TRPC6: variants seen among roughly 807,000 people sequenced by gnomAD.
TRPC6 encodes short transient receptor potential channel 6.
Under a neutral mutation model 90.7 loss-of-function variants are expected in TRPC6, and 55 were observed. The observed-to-expected ratio is 0.61, with a 90% CI of 0.49 to 0.76. TRPC6 has a LOEUF of 0.76. Ranked by LOEUF, TRPC6 falls within the 30% of genes least tolerant of loss-of-function variation. The probability of loss-of-function intolerance (pLI) is 0.00; values close to 1 mark genes in which losing one functional copy is unlikely to be tolerated. For synonymous variants in TRPC6, 393 were observed against 393.0 expected (o/e 1.00, Z 0.00); for missense variants, 989 against 1,122.7 (o/e 0.88, Z 1.70).
intron 5 of TRPC6, 100 bp downstream of exon 5, chr11:101,482,849 G>T: frequency 8.2e-7 from 1 of 1,221,520 alleles, no homozygotes; most frequent in Non-Finnish European, 1.2e-6. Context: ...ACTGTATCAT[G>T]CTGCATACAT....
chr11:101,494,237 A>T (rs956776899), intron 2 of TRPC6, among the ~76,000 whole-genome samples: 1 of 152,176 alleles, frequency 6.6e-6, no homozygotes, highest in Non-Finnish European at 1.5e-5. Context: ...ATATACCTGT[A>T]ATCAATCCCA....
At chr11:101,539,330 G>A (rs920857497) in intron 1 of TRPC6, among the ~76,000 whole-genome samples, 4 of 152,150 alleles carry the variant, frequency 2.6e-5, no homozygotes, top group African/African-American at 9.7e-5. Context: ...CTATTAGAGT[G>A]AGGAAAACCC....
At chr11:101,477,463 G>A (rs1859443126) in intron 5 of TRPC6, among the ~76,000 whole-genome samples, 1 of 152,056 alleles carries the variant, frequency 6.6e-6, no homozygotes, top group Non-Finnish European at 1.5e-5. Flanking sequence ...TGTGGTTTAT[G>A]TTTAAAACCA....
At position 101,489,049 on chromosome 11, in the gene TRPC6, T is replaced by A. The variant is rs1431100131; in HGVS notation, c.1181A>T (p.Asn394Ile). 1.2e-6 allele frequency: 2 copies of A among 1,614,204 alleles called. No homozygotes were observed. The highest frequency in any genetic ancestry group is 1.7e-6 in the Non-Finnish European group (2 of 1,180,022). ...TGTCTGCTGTCGTAAACCAGAAAGA[T>A]TCTCATACCAAATGGAGAGAAGTTG... ...QQQLLSIWYE[N>I]LSGLRQQTMA... is the part of the protein sequence containing the mutation. The change falls in exon 4 of 13, where the codon AAT becomes ATT. Residue 394 changes from asparagine (N) to isoleucine (I), a missense_variant. Physicochemically the swap from Asn to Ile is moderately radical, Grantham distance 149. This residue lies in a region of TRPC6 where 486 missense variants were observed against 591.9 expected (regional missense o/e 0.82). Transcript: ENST00000344327.
At chr11:101,526,158 A>ATC (rs551385343) in intron 1 of TRPC6, among the ~76,000 whole-genome samples, 7 of 151,704 alleles carry the variant, frequency 4.6e-5, no homozygotes, top group East Asian at 1.9e-4. Flanking sequence ...ATAAATATGA[A>ATC]TCTCTCTCTC....
chr11:101,552,035 A>T (rs957167755), intron 1 of TRPC6, among the ~76,000 whole-genome samples: 1 of 152,192 alleles, frequency 6.6e-6, no homozygotes, highest in African/African-American at 2.4e-5. Context: ...ACTTTGGCCC[A>T]GGAGGTTTGT....
chr11:101,453,499 T>G (rs892437419), intron 12 of TRPC6, 151 bp downstream of exon 12: 2 of 788,644 alleles, frequency 2.5e-6, no homozygotes, highest in East Asian at 5.2e-5. Flanking sequence ...CCCCACTCTT[T>G]AACAGAACGG....
intron 1 of TRPC6, among the ~76,000 whole-genome samples, chr11:101,506,130 A>G (rs1430363303): frequency 6.6e-6 from 1 of 152,058 alleles, no homozygotes; most frequent in Non-Finnish European, 1.5e-5. Context: ...TTTGAGCTTC[A>G]AGGGATCTCA....
At chr11:101,489,595 T>C (rs1306996540) in intron 3 of TRPC6, among the ~76,000 whole-genome samples, 3 of 151,926 alleles carry the variant, frequency 2.0e-5, no homozygotes, top group Non-Finnish European at 4.4e-5. Flanking sequence ...TTTATTCTTG[T>C]GCCAAAAACT....
At chr11:101,524,103 T>C (rs761821456) in intron 1 of TRPC6, among the ~76,000 whole-genome samples, 2 of 152,204 alleles carry the variant, frequency 1.3e-5, no homozygotes, top group Admixed American at 6.5e-5. Flanking sequence ...ATTCCTCCAA[T>C]GTAAAAGTAG....
intron 10 of TRPC6, chr11:101,455,448 TC>T (rs1239192986): frequency 1.3e-5 from 3 of 236,340 alleles, no homozygotes; most frequent in Admixed American, 1.1e-4. Flanking sequence ...ATCTCAGAAG[TC>T]CATTGATGGG....
chr11:101,453,504 G>T, intron 12 of TRPC6, 146 bp downstream of exon 12: 1 of 801,948 alleles, frequency 1.2e-6, no homozygotes, highest in South Asian at 1.4e-5. Flanking sequence ...CTCTTTAACA[G>T]AACGGCGGTT....
intron 1 of TRPC6, among the ~76,000 whole-genome samples, chr11:101,527,487 A>T (rs1041490330): frequency 6.6e-6 from 1 of 152,178 alleles, no homozygotes; most frequent in East Asian, 1.9e-4. Flanking sequence ...TACATTTTTG[A>T]TGACACAGTT....
chr11:101,471,495 G>C (rs1197026015), intron 8 of TRPC6, 109 bp from the exon 9 acceptor site: 1 of 1,122,486 alleles, frequency 8.9e-7, no homozygotes, highest in Non-Finnish European at 1.3e-6. Context: ...AACACTCTCA[G>C]ACCCCAGTGA....
intron 1 of TRPC6, among the ~76,000 whole-genome samples, chr11:101,540,792 T>A (rs1293929689): frequency 6.6e-6 from 1 of 152,218 alleles, no homozygotes; most frequent in East Asian, 1.9e-4. Context: ...ACATTCCTTA[T>A]TTGACCACCA....
At position 101,583,359 on chromosome 11, in the gene TRPC6, G is replaced by A. The variant is rs772400731; in HGVS notation, c.145C>T (p.Pro49Ser). The A allele has an allele frequency of 1.1e-5, 17 of 1,594,844 alleles. No homozygotes were observed. Among genetic ancestry groups the A allele is most frequent in the Non-Finnish European group, 1.4e-5 (16 of 1,171,126 alleles). ...AAGCAGGGGTAGTAGCCGTAGCAAGGCAGCGGGGCTTGCGGGCAGCCGTCT... is the reference window on the plus strand; with the variant it reads ...AAGCAGGGGTAGTAGCCGTAGCAAGACAGCGGGGCTTGCGGGCAGCCGTCT... ...GEDGCPQAPL[P>S]CYGYYPCFRG... The change falls in exon 1 of 13, where the codon CCT becomes TCT. Residue 49 changes from proline to serine, a missense_variant. By Grantham distance (74) the Pro-to-Ser change is moderately conservative. Around this residue, in one of 4 missense-constraint regions of TRPC6, gnomAD observed 194 missense variants for 136.5 expected, o/e 1.42. Transcript: ENST00000344327.
At chr11:101,532,835 G>A (rs1223954724) in intron 1 of TRPC6, among the ~76,000 whole-genome samples, 1 of 152,130 alleles carries the variant, frequency 6.6e-6, no homozygotes, top group Non-Finnish European at 1.5e-5. Context: ...TGAATGGGAA[G>A]GTACATCAGA....
intron 1 of TRPC6, chr11:101,519,877 C>A (rs1475607961): frequency 6.5e-6 from 1 of 153,070 alleles, no homozygotes; most frequent in Admixed American, 6.6e-5. Context: ...TGTACTAATT[C>A]TCTTAACTCT....
intron 2 of TRPC6, among the ~76,000 whole-genome samples, chr11:101,497,316 G>C (rs1055703538): frequency 1.3e-5 from 2 of 152,146 alleles, no homozygotes; most frequent in Admixed American, 6.5e-5. Context: ...CTGTGATTCT[G>C]CCTCGCAGAC....
Sources: gnomAD v4.1 joint callset for allele counts (sites outside exome capture counted in the v4.1 genomes callset) on GRCh38, gnomAD v4.1.1 for gene constraint, gnomAD v4.1.1 regional missense constraint, MANE v1.5 for transcripts, NCBI Gene and HGNC (gene_info 2026-07-23, HGNC 2026-07-21) for gene names.